Variants in FAM98B observed in about 807,000 individuals in gnomAD.
FAM98B encodes the protein tRNA splicing ligase complex subunit 3B.
Under a neutral mutation model 43.9 loss-of-function variants are expected in FAM98B, and 32 were observed. The ratio of observed to expected loss-of-function variants is 0.73; its 90% CI spans 0.55 to 0.98. The LOEUF (loss-of-function observed/expected upper bound fraction) is 0.98. Ranked by LOEUF, FAM98B falls within the 50% of genes least tolerant of loss-of-function variation. The pLI is 0.00. For synonymous variants in FAM98B, 190 were observed against 174.0 expected (o/e 1.09, Z -0.72); for missense variants, 514 against 522.9 (o/e 0.98, Z 0.17).
intron 6 of FAM98B, among the ~76,000 whole-genome samples, chr15:38,479,811 T>C (rs576227811): frequency 2.0e-5 from 3 of 152,350 alleles, no homozygotes; most frequent in African/African-American, 7.2e-5. Context: ...GGCCAAATTG[T>C]TTTCCACTTA....
chr15:38,487,673 C>T lies in FAM98B; in HGVS notation c.*3014C>T, dbSNP rs896647930. ...GTCTGATCATTCTAAATAATCATGA[C>T]CACAAATAAATTGCCCTGAGTAGGT... On this transcript the variant is annotated 3_prime_UTR_variant, in exon 8 of 8. Coordinates refer to ENST00000397609, the MANE Select transcript of FAM98B (RefSeq NM_173611.4). 2 of 151,970 alleles carry T rather than the reference C, an allele frequency of 1.3e-5. No homozygotes were observed. Among genetic ancestry groups the T allele is most frequent in the African/African-American group, 4.8e-5 (2 of 41,396 alleles). 9.4% of individuals were successfully genotyped at this position (151,970 alleles called of 1,614,324 possible).
At chr15:38,458,153 C>G (rs1317099900) in intron 1 of FAM98B, among the ~76,000 whole-genome samples, 1 of 152,104 alleles carries the variant, frequency 6.6e-6, no homozygotes, top group Non-Finnish European at 1.5e-5. Flanking sequence ...TAGCTAGAGG[C>G]AAGCGTAGCT....
chr15:38,470,881 T>C (rs549340759), intron 4 of FAM98B, among the ~76,000 whole-genome samples: 2 of 152,148 alleles, frequency 1.3e-5, no homozygotes, highest in African/African-American at 4.8e-5. Context: ...AATGGAAGAA[T>C]GTATTAATTA....
chr15:38,457,648 G>A (rs542841313), intron 1 of FAM98B, among the ~76,000 whole-genome samples: 4 of 152,116 alleles, frequency 2.6e-5, no homozygotes, highest in Admixed American at 1.3e-4. Flanking sequence ...CAGGGTGTGA[G>A]ATAGGGTATA....
intron 7 of FAM98B, chr15:38,481,887 G>T (rs532096778): frequency 1.4e-4 from 38 of 272,384 alleles, no homozygotes; most frequent in African/African-American, 8.3e-4. Context: ...TTACAGAAAT[G>T]ACCCTGAGCA....
chr15:38,474,128 C>A, intron 5 of FAM98B, 54 bp from the exon 6 acceptor site: 1 of 1,333,322 alleles, frequency 7.5e-7, no homozygotes, highest in Non-Finnish European at 1.1e-6. Flanking sequence ...GATTTCTTTT[C>A]TTTGCAGAAT....
intron 3 of FAM98B, among the ~76,000 whole-genome samples, chr15:38,466,457 G>T (rs947025100): frequency 6.6e-6 from 1 of 152,080 alleles, no homozygotes; most frequent in African/African-American, 2.4e-5. Context: ...CTTAATATCA[G>T]TCAATGAGAA....
intron 1 of FAM98B, among the ~76,000 whole-genome samples, chr15:38,457,254 A>G (rs1595795091): frequency 2.0e-5 from 3 of 152,146 alleles, no homozygotes; most frequent in African/African-American, 4.8e-5. Flanking sequence ...CTGGCCTCAA[A>G]TGATCTCCTG....
At chr15:38,456,622 C>A (rs1459800173) in intron 1 of FAM98B, among the ~76,000 whole-genome samples, 1 of 151,948 alleles carries the variant, frequency 6.6e-6, no homozygotes, top group Admixed American at 6.5e-5. Flanking sequence ...AGGAAAAGAA[C>A]AGGGTGATGT....
intron 3 of FAM98B, among the ~76,000 whole-genome samples, chr15:38,470,022 A>T (rs375785705): frequency 1.3e-5 from 2 of 152,034 alleles, no homozygotes; most frequent in Non-Finnish European, 2.9e-5. Flanking sequence ...TTCTCATTTC[A>T]TTTAAAAAAA....
chr15:38,458,390 C>T (rs902939809), intron 1 of FAM98B, among the ~76,000 whole-genome samples: 4 of 152,126 alleles, frequency 2.6e-5, no homozygotes, highest in Non-Finnish European at 4.4e-5. Context: ...GTCTTCATCC[C>T]TGTAGAGTTC....
intron 3 of FAM98B, among the ~76,000 whole-genome samples, chr15:38,468,772 C>G (rs1488732092): frequency 1.3e-5 from 2 of 152,162 alleles, no homozygotes; most frequent in African/African-American, 4.8e-5. Context: ...TGTTCAGAAT[C>G]TCAGAGGATG....
intron 1 of FAM98B, among the ~76,000 whole-genome samples, chr15:38,455,210 T>C (rs1355272570): frequency 1.3e-5 from 2 of 152,144 alleles, no homozygotes; most frequent in Non-Finnish European, 2.9e-5. Context: ...AATGAGTAAA[T>C]GAATGAAGAA....
intron 2 of FAM98B, among the ~76,000 whole-genome samples, chr15:38,464,585 A>G (rs1015561498): frequency 7.2e-5 from 11 of 152,100 alleles, no homozygotes; most frequent in Admixed American, 2.0e-4. Flanking sequence ...AGCTCAGGAT[A>G]TGGATTCACA....
rs1235895505 is a variant in FAM98B at position 38,487,661 on chromosome 15, A to C, written c.*3002A>C. 1 of 152,086 alleles carries C rather than the reference A, an allele frequency of 6.6e-6. No individual in the cohort carries two copies. The highest frequency in any genetic ancestry group is 1.5e-5 in the Non-Finnish European group (1 of 67,942). 9.4% of individuals were successfully genotyped at this position (152,086 alleles called of 1,614,324 possible). A position where few individuals can be genotyped will look rare whatever the true frequency, so the allele number is the denominator to read the frequency against. On this transcript the variant is annotated 3_prime_UTR_variant, in exon 8 of 8. Coordinates refer to ENST00000397609, the MANE Select transcript of FAM98B (RefSeq NM_173611.4). ...AATTGTGGCTATGTCTGATCATTCT[A>C]AATAATCATGACCACAAATAAATTG...
Position 38,484,895 on chromosome 15 carries a change from T to TA in FAM98B, c.*242dup, listed in dbSNP as rs140274019. ...TACCCTTGAGCATGTTGTGTCTTTT[T>TA]AAAAAACAAAAAAAAGAACAAAAAT... On this transcript the variant is annotated 3_prime_UTR_variant, in exon 8 of 8. Coordinates refer to ENST00000397609, the MANE Select transcript of FAM98B (RefSeq NM_173611.4). 1 of 499,118 alleles carries TA rather than the reference T, an allele frequency of 2.0e-6. No homozygotes were observed. Among genetic ancestry groups the TA allele is most frequent in the Non-Finnish European group, 3.1e-6 (1 of 323,058 alleles). 30.9% of individuals were successfully genotyped at this position (499,118 alleles called of 1,614,324 possible).
intron 1 of FAM98B, among the ~76,000 whole-genome samples, chr15:38,458,345 G>A (rs1411624874): frequency 6.6e-6 from 1 of 152,190 alleles, no homozygotes; most frequent in Non-Finnish European, 1.5e-5. Flanking sequence ...ATAACACTGA[G>A]GAAAGGTCAT....
At position 38,465,839 on chromosome 15, in the gene FAM98B, G is replaced by GT. The variant is rs1449126499; in HGVS notation, c.352+445dup. ...GGGATATATGAGGGTTGCTTGTTTT[G>GT]TTTTTTTTTAAAAAATATAAAATTT... is the stretch of plus-strand genomic sequence containing the variant. On this transcript the variant is annotated intron_variant, in intron 3 of 7. Transcript: ENST00000397609. Among the ~76,000 whole-genome samples, 462 of 150,736 alleles carry GT rather than the reference G, an allele frequency of 3.1e-3. 2 individuals are homozygous for GT. Among genetic ancestry groups the GT allele is most frequent in the African/African-American group, 0.01 (428 of 41,146 alleles).
chr15:38,473,089 C>A (rs1188816191), intron 4 of FAM98B, among the ~76,000 whole-genome samples: 1 of 152,106 alleles, frequency 6.6e-6, no homozygotes, highest in African/African-American at 2.4e-5. Context: ...AGAGTACTTA[C>A]AACTGGAATG....
Sources: allele counts gnomAD v4.1 joint callset (sites outside exome capture counted in the v4.1 genomes callset), GRCh38; gene constraint gnomAD v4.1.1; transcripts MANE v1.5; gene names NCBI Gene and HGNC (gene_info 2026-07-23, HGNC 2026-07-21).